The following CUL5 variants were observed in gnomAD, a reference collection of about 807,000 sequenced individuals.
CUL5 encodes cullin 5.
A neutral mutation model predicts 108.8 loss-of-function variants in CUL5; 26 were observed. That is an observed-to-expected ratio of 0.24 (90% CI 0.18 to 0.33). The LOEUF (loss-of-function observed/expected upper bound fraction) is 0.33, where lower values mean the gene tolerates loss of function less well. Among genes scored for constraint, CUL5 ranks in the 10% least tolerant of loss-of-function variants. The pLI is 1.00. For synonymous variants in CUL5, 334 were observed against 298.0 expected (o/e 1.12, Z -1.25); for missense variants, 524 against 909.2 (o/e 0.58, Z 5.45).
In CUL5 at chr11:108,009,117, A is replaced by G. The variant is rs1861991016; in HGVS notation, c.-232A>G. 1.4e-5 allele frequency: 8 copies of G among 584,172 alleles called. No individual in the cohort carries two copies. In the South Asian group the frequency reaches 1.7e-4, roughly 13 times the overall value. The allele number at this position is 584,172 out of a possible 1,614,324, so 36.2% of individuals were successfully genotyped here. ...CGTTCCGGTCTTCCTGAGCGCGTGC[A>G]TGAGGTCTTTCGCGTGGGGAAGCTC... On this transcript the variant is annotated 5_prime_UTR_variant, in exon 1 of 19. The change abolishes an upstream ATG in the 5' untranslated region. Transcript: ENST00000393094.
intron 10 of CUL5, among the ~76,000 whole-genome samples, chr11:108,077,202 G>C (rs1168696190): frequency 6.6e-6 from 1 of 152,222 alleles, no homozygotes; most frequent in East Asian, 1.9e-4. Context: ...AGGGAGAAAT[G>C]ATCCAAGAGA....
At chr11:108,051,540 A>C (rs1863220718) in intron 4 of CUL5, among the ~76,000 whole-genome samples, 1 of 152,228 alleles carries the variant, frequency 6.6e-6, no homozygotes, top group Non-Finnish European at 1.5e-5. Flanking sequence ...TGAGTGTTAT[A>C]AAACTGTTAA....
intron 2 of CUL5, among the ~76,000 whole-genome samples, chr11:108,034,275 C>T (rs973930936): frequency 3.3e-5 from 5 of 152,130 alleles, no homozygotes; most frequent in African/African-American, 1.2e-4. Flanking sequence ...TGATTGACAG[C>T]GTGTGATATG....
At chr11:108,034,890 A>G (rs979933204) in intron 2 of CUL5, among the ~76,000 whole-genome samples, 2 of 152,200 alleles carry the variant, frequency 1.3e-5, no homozygotes, top group African/African-American at 2.4e-5. Context: ...ATTGGTCAGG[A>G]TGAAATCCTG....
chr11:108,019,967 A>G (rs4754286), intron 1 of CUL5, among the ~76,000 whole-genome samples: 91,065 of 151,676 alleles, frequency 0.6, 28,740 homozygotes, highest in East Asian at 0.9. Flanking sequence ...GAGAGGTACC[A>G]GGCTCTTTTT....
intron 13 of CUL5, among the ~76,000 whole-genome samples, chr11:108,091,793 G>A (rs1378988239): frequency 6.6e-6 from 1 of 151,606 alleles, no homozygotes; most frequent in Non-Finnish European, 1.5e-5. Context: ...AAGATAGACA[G>A]ATGGCCAATA....
intron 18 of CUL5, among the ~76,000 whole-genome samples, chr11:108,101,593 T>G (rs1864669679): frequency 6.6e-6 from 1 of 152,206 alleles, no homozygotes; most frequent in South Asian, 2.1e-4. Flanking sequence ...CACCTTGCCC[T>G]GTCATTAAAG....
Position 108,097,754 on chromosome 11 carries a change from T to C in CUL5, c.2024T>C (p.Ile675Thr). The part of the protein sequence containing the change: ...LFSVNQEFSL[I>T]KNAKVQKRGK... Reference sequence around the variant, plus strand: ...TCAGTGAACCAGGAGTTCAGTTTAATGTAAGCTCGTTAGTTGATCTAAAAT... The same window carrying C: ...TCAGTGAACCAGGAGTTCAGTTTAACGTAAGCTCGTTAGTTGATCTAAAAT... Residue 675 changes from isoleucine to threonine, a missense_variant and splice_region_variant, in exon 17 of 19, where the codon ATA becomes ACA. By Grantham distance (89) the Ile-to-Thr change is moderately conservative (BLOSUM62 -1). Coordinates refer to ENST00000393094, the MANE Select transcript of CUL5 (RefSeq NM_003478.6). 3 of 1,513,716 alleles carry C rather than the reference T, an allele frequency of 2.0e-6. No homozygotes were observed. Among genetic ancestry groups the C allele is most frequent in the Non-Finnish European group, 2.7e-6 (3 of 1,092,662 alleles). 93.8% of individuals were successfully genotyped at this position (1,513,716 alleles called of 1,614,324 possible).
At chr11:108,039,490 A>AT (rs1280502540) in intron 2 of CUL5, among the ~76,000 whole-genome samples, 1 of 152,180 alleles carries the variant, frequency 6.6e-6, no homozygotes. Flanking sequence ...CTCTAGATCC[A>AT]TTTACAATTT....
intron 11 of CUL5, among the ~76,000 whole-genome samples, chr11:108,083,193 A>T (rs898802609): frequency 6.6e-6 from 1 of 151,910 alleles, no homozygotes; most frequent in Non-Finnish European, 1.5e-5. Context: ...TAGGGTGCTC[A>T]CTCTTAGTCT....
chr11:108,074,481 TACTGTGCC>T (rs1358295708), intron 10 of CUL5, among the ~76,000 whole-genome samples: 1 of 151,548 alleles, frequency 6.6e-6, no homozygotes, highest in Non-Finnish European at 1.5e-5. Context: ...AGGCCTGAGC[TACTGTGCC>T]CAGACTCTTT....
At chr11:108,057,968 T>C (rs1276800363) in intron 7 of CUL5, among the ~76,000 whole-genome samples, 1 of 152,070 alleles carries the variant, frequency 6.6e-6, no homozygotes, top group Admixed American at 6.5e-5. Flanking sequence ...CCCAGCACTT[T>C]GGGAGGCCAA....
intron 2 of CUL5, among the ~76,000 whole-genome samples, chr11:108,042,076 ACTGT>A (rs943137656): frequency 6.6e-6 from 1 of 152,118 alleles, no homozygotes; most frequent in African/African-American, 2.4e-5. Context: ...ATATAATAGG[ACTGT>A]GATTGAATAT....
At chr11:108,071,916 C>T (rs1863834002) in intron 8 of CUL5, among the ~76,000 whole-genome samples, 1 of 151,998 alleles carries the variant, frequency 6.6e-6, no homozygotes. Flanking sequence ...GTGGCTCATA[C>T]CTATGATCCC....
chr11:108,064,166 CAT>C (rs954118545), intron 7 of CUL5, among the ~76,000 whole-genome samples: 3 of 152,140 alleles, frequency 2.0e-5, no homozygotes, highest in African/African-American at 7.2e-5. Context: ...ACGGGTCTCT[CAT>C]GTGGCTTTTA....
At chr11:108,104,109 C>T (rs1864733601) in intron 18 of CUL5, 81 bp from the exon 19 acceptor site, 4 of 824,812 alleles carry the variant, frequency 4.8e-6, no homozygotes, top group Non-Finnish European at 7.7e-6. Flanking sequence ...GATGAATATG[C>T]ATAAAAAGTC....
At chr11:108,055,462 T>C (rs990867826) in intron 7 of CUL5, among the ~76,000 whole-genome samples, 2 of 152,088 alleles carry the variant, frequency 1.3e-5, no homozygotes, top group African/African-American at 4.8e-5. Flanking sequence ...TAATTATTAT[T>C]ATTTTTAGAA....
At position 108,095,577 on chromosome 11, in the gene CUL5, G is replaced by A. The variant is rs781203006; in HGVS notation, c.1791G>A (p.Thr597=). Residue 597 remains threonine (T), a synonymous_variant, in exon 16 of 19, where the codon ACG becomes ACA. Coordinates refer to ENST00000393094, the MANE Select transcript of CUL5 (RefSeq NM_003478.6). Reference sequence around the variant, plus strand: ...GTCAATATGATTTGGAGGTAACCACGTTTCAGCTCGCTGTATTGTTTGCAT... The same window carrying A: ...GTCAATATGATTTGGAGGTAACCACATTTCAGCTCGCTGTATTGTTTGCAT... ...EVGQYDLEVT[T]FQLAVLFAWN... 107 of 1,613,602 alleles carry A rather than the reference G, an allele frequency of 6.6e-5. 1 individual carries two copies. The Admixed American group carries it at 1.4e-3, about 22-fold the overall frequency.
intron 10 of CUL5, among the ~76,000 whole-genome samples, chr11:108,075,256 A>G (rs1027376827): frequency 2.0e-5 from 3 of 151,754 alleles, no homozygotes; most frequent in Non-Finnish European, 4.4e-5. Flanking sequence ...GTGGCGTATT[A>G]GTAAGTCAGA....
Sources: allele counts gnomAD v4.1 joint callset (sites outside exome capture counted in the v4.1 genomes callset), GRCh38; gene constraint gnomAD v4.1.1; transcripts MANE v1.5; gene names NCBI Gene and HGNC (gene_info 2026-07-23, HGNC 2026-07-21).